The following ABCC1 variants were observed in gnomAD, a reference collection of about 807,000 sequenced individuals.
ABCC1 encodes the protein ATP binding cassette subfamily C member 1 (ABCC1 blood group).
ABCC1 carries 83 observed loss-of-function variants against 172.9 expected under a neutral mutation model. That is an observed-to-expected ratio of 0.48 (90% CI 0.40 to 0.58). The LOEUF (loss-of-function observed/expected upper bound fraction) is 0.58. Among genes scored for constraint, ABCC1 ranks in the 20% least tolerant of loss-of-function variants. The pLI, the probability that ABCC1 is intolerant of heterozygous loss-of-function variation, is 0.00. For missense variants in ABCC1, 1,817 were observed against 2,002.7 expected, an observed-to-expected ratio of 0.91 and a Z score of 1.77; for synonymous variants, 937 against 825.2, an observed-to-expected ratio of 1.14 and a Z score of -2.32.
chr16:16,009,984 A>T, intron 3 of ABCC1, 83 bp downstream of exon 3: 1 of 1,113,200 alleles, frequency 9.0e-7, no homozygotes, highest in Non-Finnish European at 1.1e-6. Flanking sequence ...GACTAGAATC[A>T]TAGTTTTTTA....
intron 1 of ABCC1, among the ~76,000 whole-genome samples, chr16:15,956,864 A>G (rs1245897837): frequency 6.6e-6 from 1 of 152,154 alleles, no homozygotes; most frequent in Non-Finnish European, 1.5e-5. Context: ...AGGCAGAAGC[A>G]TAATCTGAGT....
chr16:16,016,302 C>T (rs1042603394), intron 4 of ABCC1, among the ~76,000 whole-genome samples, 194 bp from the exon 5 acceptor site: 2 of 151,848 alleles, frequency 1.3e-5, no homozygotes, highest in African/African-American at 2.4e-5. Context: ...TACAGTTGCC[C>T]ACCACCACGT....
intron 19 of ABCC1, among the ~76,000 whole-genome samples, chr16:16,092,339 T>C (rs539294183): frequency 2.6e-5 from 4 of 152,316 alleles, no homozygotes; most frequent in Admixed American, 1.3e-4. Context: ...AGAACTTTTT[T>C]TAATCACCCC....
chr16:16,069,124 A>G (rs1297887941), intron 13 of ABCC1, among the ~76,000 whole-genome samples: 1 of 150,092 alleles, frequency 6.7e-6, no homozygotes, highest in African/African-American at 2.4e-5. Context: ...CCTGGGCAAT[A>G]TGGTAAAACC....
chr16:16,138,491 A>G lies in ABCC1; in HGVS notation c.4420A>G (p.Thr1474Ala). ...CGACCTCATCCAGTCCACCATCCGG[A>G]CACAGTTCGAGGACTGCACCGTCCT... ...TDDLIQSTIR[T>A]QFEDCTVLTI... Residue 1474 changes from threonine (T) to alanine (A), a missense_variant, in exon 30 of 31, where the codon ACA becomes GCA. Physicochemically the swap from Thr to Ala is moderately conservative, Grantham distance 58. Coordinates refer to ENST00000399410, the MANE Select transcript of ABCC1 (RefSeq NM_004996.4). 7 of 1,613,124 alleles carry G rather than the reference A, an allele frequency of 4.3e-6. No homozygotes were observed. The highest frequency in any genetic ancestry group is 5.9e-6 in the Non-Finnish European group (7 of 1,179,346).
chr16:16,054,325 A>G (rs2049559766), intron 11 of ABCC1, among the ~76,000 whole-genome samples: 1 of 151,978 alleles, frequency 6.6e-6, no homozygotes, highest in African/African-American at 2.4e-5. Flanking sequence ...GTTTTTACCT[A>G]AATGGGCCCA....
chr16:15,981,722 C>T (rs546508055), intron 1 of ABCC1, among the ~76,000 whole-genome samples: 22 of 152,302 alleles, frequency 1.4e-4, no homozygotes, highest in African/African-American at 4.6e-4. Context: ...ACATTTTCCC[C>T]ATTGTCTTGG....
chr16:15,956,397 T>A (rs2045998926), intron 1 of ABCC1, among the ~76,000 whole-genome samples: 1 of 151,714 alleles, frequency 6.6e-6, no homozygotes, highest in East Asian at 1.9e-4. Context: ...GAAAGAAAAT[T>A]CAGGTCTAAC....
At chr16:16,126,195 C>CTTCT (rs2045425640) in intron 26 of ABCC1, among the ~76,000 whole-genome samples, 1 of 152,190 alleles carries the variant, frequency 6.6e-6, no homozygotes, top group Admixed American at 6.5e-5. Flanking sequence ...AAGTTTCCCC[C>CTTCT]TCTATTTCTC....
At chr16:16,035,803 C>G (rs753285858) in intron 6 of ABCC1, among the ~76,000 whole-genome samples, 32 of 151,766 alleles carry the variant, frequency 2.1e-4, no homozygotes, top group Non-Finnish European at 3.7e-4. Context: ...CCCATATCAG[C>G]CTTTTTTAAT....
At chr16:15,983,362 A>G (rs2046671478) in intron 1 of ABCC1, among the ~76,000 whole-genome samples, 1 of 152,050 alleles carries the variant, frequency 6.6e-6, no homozygotes, top group Admixed American at 6.6e-5. Flanking sequence ...GAGCTCTGAG[A>G]ACCTGGAATA....
At chr16:15,959,312 CTTTCTT>C (rs895192255) in intron 1 of ABCC1, among the ~76,000 whole-genome samples, 4 of 152,228 alleles carry the variant, frequency 2.6e-5, no homozygotes, top group Admixed American at 6.5e-5. Flanking sequence ...ACAAAAATGG[CTTTCTT>C]TTTCTTTTTC....
chr16:16,131,189 G>A (rs1342751803), intron 26 of ABCC1, among the ~76,000 whole-genome samples: 1 of 152,088 alleles, frequency 6.6e-6, no homozygotes, highest in Non-Finnish European at 1.5e-5. Context: ...GAGCATGAAC[G>A]TCACGTTAAT....
At chr16:15,995,980 T>G (rs893925867) in intron 1 of ABCC1, among the ~76,000 whole-genome samples, 4 of 116,476 alleles carry the variant, frequency 3.4e-5, no homozygotes, top group Non-Finnish European at 5.9e-5. Context: ...CAGCTAAGTT[T>G]TTTTTTTTTT....
intron 12 of ABCC1, among the ~76,000 whole-genome samples, chr16:16,063,729 G>A (rs1483660465): frequency 6.6e-6 from 1 of 152,146 alleles, no homozygotes; most frequent in Non-Finnish European, 1.5e-5. Context: ...TCTCAGCTCT[G>A]CTTTCTTGAT....
chr16:16,106,921 G>T, intron 21 of ABCC1, 48 bp downstream of exon 21: 1 of 1,610,602 alleles, frequency 6.2e-7, no homozygotes, highest in Non-Finnish European at 8.5e-7. Flanking sequence ...TTTATAGAGC[G>T]CCCACTGTGC....
intron 5 of ABCC1, 97 bp downstream of exon 5, chr16:16,016,718 G>A (rs2048014504): frequency 8.6e-6 from 13 of 1,510,682 alleles, no homozygotes; most frequent in Middle Eastern, 3.5e-4. Flanking sequence ...CCAGGATCTC[G>A]TTCCAGCCTC....
At chr16:16,091,384 A>G (rs866936311) in intron 19 of ABCC1, among the ~76,000 whole-genome samples, 1 of 146,990 alleles carries the variant, frequency 6.8e-6, no homozygotes, top group Non-Finnish European at 1.5e-5. Context: ...CCTGGCCAAC[A>G]TACTGAAACC....
intron 14 of ABCC1, among the ~76,000 whole-genome samples, chr16:16,073,830 C>T (rs1194466823): frequency 6.6e-6 from 1 of 152,194 alleles, no homozygotes; most frequent in African/African-American, 2.4e-5. Context: ...AGTGGTAGCC[C>T]CAGGATTCAA....
Sources: gnomAD v4.1 joint callset for allele counts (sites outside exome capture counted in the v4.1 genomes callset) on GRCh38, gnomAD v4.1.1 for gene constraint, MANE v1.5 for transcripts, NCBI Gene and HGNC (gene_info 2026-07-23, HGNC 2026-07-21) for gene names.